Variants in DST observed in about 807,000 individuals in gnomAD.
DST encodes the protein dystonin, also known as bullous pemphigoid antigen.
A neutral mutation model predicts 875.2 loss-of-function variants in DST; 253 were observed. That is an observed-to-expected ratio of 0.29 (90% CI 0.26 to 0.32). DST has a LOEUF of 0.32. Among genes scored for constraint, DST ranks in the 10% least tolerant of loss-of-function variants. The probability of loss-of-function intolerance (pLI) is 1.00; values close to 1 mark genes in which losing one functional copy is unlikely to be tolerated. For synonymous variants in DST, 3,124 were observed against 3,197.1 expected, an observed-to-expected ratio of 0.98 and a Z score of 0.77; for missense variants, 8,287 against 9,111.6, an observed-to-expected ratio of 0.91 and a Z score of 3.68.
chr6:56,884,809 AG>A (rs1054955831), intron 3 of DST, among the ~76,000 whole-genome samples: 113 of 152,084 alleles, frequency 7.4e-4, no homozygotes, highest in African/African-American at 2.7e-3. Context: ...GCTCAATGCA[AG>A]CTCCGCCTCC....
rs778210177 is a variant in DST at position 56,632,997 on chromosome 6, C to T, written c.3662G>A (p.Ser1221Asn). The change falls in exon 28 of 104, where the codon AGT becomes AAT. Residue 1221 changes from serine (S) to asparagine (N), a missense_variant. By Grantham distance (46) the Ser-to-Asn change is conservative. This residue lies in a region of DST where 3,138 missense variants were observed against 3,116.6 expected (regional missense o/e 1.01). Coordinates refer to ENST00000680361, the MANE Select transcript of DST (RefSeq NM_001374736.1). ...ATCTTCAAAACGAGATTGTAGATTA[C>T]TTAGAACTTGCTGATGTTCACCAGG... ...MLPGEHQQVL[S>N]NLQSRFEDFL... The T allele has an allele frequency of 3.7e-6, 6 of 1,613,978 alleles. No homozygotes were observed. The highest frequency in any genetic ancestry group is 2.2e-5 in the East Asian group (1 of 44,840).
intron 3 of DST, among the ~76,000 whole-genome samples, chr6:56,857,692 T>C (rs992993472): frequency 2.0e-5 from 3 of 152,194 alleles, no homozygotes; most frequent in African/African-American, 7.2e-5. Context: ...AAATCAAAGA[T>C]ACAATTTTCT....
intron 17 of DST, among the ~76,000 whole-genome samples, chr6:56,641,113 CACAG>C (rs1469136501): frequency 7.2e-6 from 1 of 139,614 alleles, no homozygotes; most frequent in African/African-American, 2.9e-5. Flanking sequence ...CATATTTATG[CACAG>C]AGAGAGAGAG....
At chr6:56,770,773 G>T (rs1319056378) in intron 4 of DST, among the ~76,000 whole-genome samples, 1 of 152,090 alleles carries the variant, frequency 6.6e-6, no homozygotes, top group East Asian at 1.9e-4. Context: ...GGCCGAGGTG[G>T]GTGGATCGCC....
chr6:56,790,886 G>C (rs2099720761), intron 4 of DST, among the ~76,000 whole-genome samples: 1 of 152,150 alleles, frequency 6.6e-6, no homozygotes, highest in African/African-American at 2.4e-5. Flanking sequence ...CCACACTTTG[G>C]CCAACAAGAC....
chr6:56,553,741 A>G, intron 60 of DST, 86 bp from the exon 61 acceptor site: 1 of 1,261,758 alleles, frequency 7.9e-7, no homozygotes, highest in Non-Finnish European at 1.1e-6. Flanking sequence ...TCTCTGAATG[A>G]ATATATAGAA....
At chr6:56,771,776 AC>A (rs2099666635) in intron 4 of DST, among the ~76,000 whole-genome samples, 1 of 152,180 alleles carries the variant, frequency 6.6e-6, no homozygotes, top group Admixed American at 6.5e-5. Flanking sequence ...AATCTGATGA[AC>A]CCTGTGGACT....
chr6:56,659,286 T>C (rs1208261746), intron 10 of DST, among the ~76,000 whole-genome samples: 1 of 152,132 alleles, frequency 6.6e-6, no homozygotes, highest in Non-Finnish European at 1.5e-5. Flanking sequence ...GCTGTAAGCA[T>C]GGATGAGAGA....
At chr6:56,720,453 A>G (rs1482540822) in intron 5 of DST, among the ~76,000 whole-genome samples, 1 of 151,828 alleles carries the variant, frequency 6.6e-6, no homozygotes, top group African/African-American at 2.4e-5. Flanking sequence ...GTCAGCAGAT[A>G]AACATGTGAA....
chr6:56,633,643 G>A (rs936212023), intron 27 of DST, among the ~76,000 whole-genome samples: 96 of 151,976 alleles, frequency 6.3e-4, no homozygotes, highest in Non-Finnish European at 1.2e-3. Flanking sequence ...TAAGATTACA[G>A]GCATGCACCA....
intron 3 of DST, among the ~76,000 whole-genome samples, chr6:56,885,507 T>C (rs1414690814): frequency 6.6e-6 from 1 of 152,182 alleles, no homozygotes; most frequent in Non-Finnish European, 1.5e-5. Flanking sequence ...GGTTTGAATG[T>C]TGTATCCCAC....
intron 4 of DST, among the ~76,000 whole-genome samples, chr6:56,777,272 GAAGT>G (rs1045871942): frequency 2.6e-5 from 4 of 152,104 alleles, no homozygotes; most frequent in East Asian, 1.9e-4. Flanking sequence ...AAATAGATAA[GAAGT>G]AAGAGAAATA....
intron 4 of DST, among the ~76,000 whole-genome samples, chr6:56,833,513 AGT>A (rs1286183561): frequency 6.6e-6 from 1 of 152,098 alleles, no homozygotes; most frequent in Non-Finnish European, 1.5e-5. Flanking sequence ...TACTAATTTC[AGT>A]GTATGCTTAA....
chr6:56,863,796 T>C (rs1441994481), intron 3 of DST: 1 of 152,248 alleles, frequency 6.6e-6, no homozygotes, highest in East Asian at 1.9e-4. Context: ...TATGACTATA[T>C]GTTCCTTTGT....
Position 56,873,497 on chromosome 6 carries a change from G to GAT in DST, c.418-21895_418-21894dup, listed in dbSNP as rs59416127. On this transcript the variant is annotated intron_variant, in intron 3 of 103. Transcript: ENST00000680361. ...GGATGAAATTATAAGGAAATTGTGAGATATATATATATACACAAAGGAATA... is the reference window on the plus strand; with the variant it reads ...GGATGAAATTATAAGGAAATTGTGAGATATATATATATATACACAAAGGAATA... Among the ~76,000 whole-genome samples, 1,512 of 151,814 alleles carry GAT rather than the reference G, an allele frequency of 1.0e-2. 25 individuals are homozygous for GAT. The highest frequency in any genetic ancestry group is 0.033 in the African/African-American group (1,385 of 41,378).
chr6:56,511,642 A>C (rs1345440451), intron 72 of DST, among the ~76,000 whole-genome samples: 2 of 152,196 alleles, frequency 1.3e-5, no homozygotes, highest in East Asian at 3.8e-4. Flanking sequence ...GGTTCAGTGA[A>C]ATAATGAATC....
intron 2 of DST, among the ~76,000 whole-genome samples, chr6:56,943,749 C>G (rs1381966570): frequency 6.6e-6 from 1 of 151,522 alleles, no homozygotes; most frequent in Non-Finnish European, 1.5e-5. Flanking sequence ...AACTCATTTT[C>G]TAAAGTGTCT....
chr6:56,757,447 T>C (rs1336030782), intron 4 of DST, among the ~76,000 whole-genome samples: 1 of 152,158 alleles, frequency 6.6e-6, no homozygotes, highest in Non-Finnish European at 1.5e-5. Flanking sequence ...CATAGCTCTT[T>C]TCAAATTGAC....
At position 56,606,372 on chromosome 6, in the gene DST, G is replaced by A; in HGVS notation, c.8256C>T (p.Ser2752=). The A allele has an allele frequency of 1.2e-6, 2 of 1,613,216 alleles. No homozygotes were observed. The highest frequency in any genetic ancestry group is 1.7e-6 in the Non-Finnish European group (2 of 1,179,544). Residue 2752 remains serine, a synonymous_variant, in exon 40 of 104, where the codon AGC becomes AGT. Transcript: ENST00000680361. ...CATCAAATTTTAATGATGCAGTGAAGCTCTCTTTTCCTCCTACAATATCAT... is the reference window on the plus strand; with the variant it reads ...CATCAAATTTTAATGATGCAGTGAAACTCTCTTTTCCTCCTACAATATCAT... The part of the protein sequence containing the change: ...TDYDIVGGKE[S]FTASLKFDDS...
Sources: allele counts gnomAD v4.1 joint callset (sites outside exome capture counted in the v4.1 genomes callset), GRCh38; gene constraint gnomAD v4.1.1; regional missense constraint gnomAD v4.1.1; transcripts MANE v1.5; gene names NCBI Gene and HGNC (gene_info 2026-07-23, HGNC 2026-07-21).